The following NCK2 variants were observed in gnomAD, a reference collection of about 807,000 sequenced individuals.
NCK2 encodes cytoplasmic protein NCK2.
In NCK2, 16 loss-of-function variants were observed where a neutral mutation model predicts 33.9. The observed-to-expected ratio is 0.47, with a 90% CI of 0.32 to 0.72. The LOEUF (loss-of-function observed/expected upper bound fraction) is 0.72. Among genes scored for constraint, NCK2 ranks in the 30% least tolerant of loss-of-function variants. The probability of loss-of-function intolerance (pLI) is 0.03; values close to 1 mark genes in which losing one functional copy is unlikely to be tolerated. For missense variants in NCK2, 418 were observed against 537.3 expected, an observed-to-expected ratio of 0.78 and a Z score of 2.19; for synonymous variants, 273 against 239.9, an observed-to-expected ratio of 1.14 and a Z score of -1.27.
chr2:105,891,200 G>T lies in NCK2; in HGVS notation c.949-1782G>T, dbSNP rs535052190. Among the ~76,000 whole-genome samples, 4 of 152,066 alleles carry T rather than the reference G, an allele frequency of 2.6e-5. No homozygotes were observed. The South Asian group carries it at 8.3e-4, about 32-fold the overall frequency. ...CTCACATACTCCCTCTCACATCTGCGCACGCTCACACACTTAGAGCTGCGG... is the reference window on the plus strand; with the variant it reads ...CTCACATACTCCCTCTCACATCTGCTCACGCTCACACACTTAGAGCTGCGG... On this transcript the variant is annotated intron_variant, in intron 4 of 4. Transcript: ENST00000233154.
At chr2:105,834,318 C>T (rs1676308747) in intron 2 of NCK2, among the ~76,000 whole-genome samples, 1 of 152,164 alleles carries the variant, frequency 6.6e-6, no homozygotes, top group Admixed American at 6.5e-5. Context: ...TGTGGGTGCC[C>T]TGTTCTTGGG....
intron 3 of NCK2, among the ~76,000 whole-genome samples, chr2:105,871,690 TCA>T (rs1158485944): frequency 3.3e-5 from 5 of 152,222 alleles, no homozygotes; most frequent in African/African-American, 1.2e-4. Context: ...AGACGGGGTT[TCA>T]CCATTTTGGC....
chr2:105,779,181 C>G (rs894478771), intron 1 of NCK2, among the ~76,000 whole-genome samples: 3 of 151,820 alleles, frequency 2.0e-5, no homozygotes, highest in Non-Finnish European at 2.9e-5. Flanking sequence ...GTGGCACATG[C>G]CTGTAGTCCT....
intron 1 of NCK2, among the ~76,000 whole-genome samples, chr2:105,759,859 G>T (rs2104350872): frequency 6.6e-6 from 1 of 152,332 alleles, no homozygotes; most frequent in South Asian, 2.1e-4. Flanking sequence ...AGAGTTGTCA[G>T]ATGTTTTTTC....
chr2:105,874,095 A>G (rs1471366501), intron 3 of NCK2, among the ~76,000 whole-genome samples: 1 of 152,240 alleles, frequency 6.6e-6, no homozygotes, highest in Non-Finnish European at 1.5e-5. Context: ...CAATAGAACC[A>G]TGACATTAAT....
chr2:105,761,872 A>G (rs1016260672), intron 1 of NCK2, among the ~76,000 whole-genome samples: 2 of 152,214 alleles, frequency 1.3e-5, no homozygotes, highest in Admixed American at 6.5e-5. Context: ...AGTGAGACCA[A>G]AAAAGACTGA....
chr2:105,775,930 G>A (rs1690283771), intron 1 of NCK2, among the ~76,000 whole-genome samples: 1 of 152,190 alleles, frequency 6.6e-6, no homozygotes, highest in South Asian at 2.1e-4. Flanking sequence ...CCAAAACAAA[G>A]CACCACCACC....
rs543860637 is a variant in NCK2, at chr2:105,758,651, AC to A, written c.-201+13516del. Among the ~76,000 whole-genome samples the A allele has an allele frequency of 9.1e-4, 137 of 151,302 alleles. 1 individual carries two copies. The highest frequency in any genetic ancestry group is 3.2e-3 in the African/African-American group (134 of 41,274). ...TCTTGAACTCCTGACCTTGTGATCC[AC>A]CCGCCTCAGCCTCCCAAAGTGCTGG... On this transcript the variant is annotated intron_variant, in intron 1 of 4. Transcript: ENST00000233154.
chr2:105,745,620 G>C (rs748639099), intron 1 of NCK2: 1 of 152,494 alleles, frequency 6.6e-6, no homozygotes, highest in Admixed American at 6.5e-5. Context: ...GCGCAGGGAC[G>C]GGGGAGGCCG....
intron 2 of NCK2, chr2:105,854,801 A>C: frequency 2.7e-6 from 1 of 368,374 alleles, no homozygotes; most frequent in Non-Finnish European, 5.0e-6. Flanking sequence ...TTTTTGTTAG[A>C]GGGTCAGATT....
Position 105,826,581 on chromosome 2 carries a change from A to G in NCK2, c.-17+9968A>G, listed in dbSNP as rs368926554. Among the ~76,000 whole-genome samples the G allele has an allele frequency of 3.9e-5, 6 of 152,254 alleles. No individual in the cohort carries two copies. In the East Asian group the frequency reaches 7.7e-4, roughly 20 times the overall value. On this transcript the variant is annotated intron_variant, in intron 2 of 4. Coordinates refer to ENST00000233154, the MANE Select transcript of NCK2 (RefSeq NM_003581.5). ...CAAAAATGTAACTAATAAAGCAAGAATTTCTTATTCCCAAATTAGAGCCAA... is the reference window on the plus strand; with the variant it reads ...CAAAAATGTAACTAATAAAGCAAGAGTTTCTTATTCCCAAATTAGAGCCAA...
intron 1 of NCK2, among the ~76,000 whole-genome samples, chr2:105,781,821 G>A (rs1374342011): frequency 1.3e-5 from 2 of 152,228 alleles, no homozygotes; most frequent in Admixed American, 6.5e-5. Flanking sequence ...ATGAGTCTGT[G>A]ATAAGGACTC....
intron 1 of NCK2, among the ~76,000 whole-genome samples, chr2:105,802,660 C>G (rs4851091): frequency 6.6e-6 from 1 of 152,032 alleles, no homozygotes; most frequent in African/African-American, 2.4e-5. Flanking sequence ...CTCATCACCA[C>G]GAGGAAGGCA....
intron 2 of NCK2, among the ~76,000 whole-genome samples, chr2:105,837,850 T>C (rs1168644897): frequency 6.6e-6 from 1 of 152,256 alleles, no homozygotes; most frequent in Non-Finnish European, 1.5e-5. Context: ...ATTTTTATGT[T>C]TATTCACCAT....
intron 1 of NCK2, among the ~76,000 whole-genome samples, chr2:105,771,828 G>C (rs1690143769): frequency 6.6e-6 from 1 of 152,154 alleles, no homozygotes; most frequent in African/African-American, 2.4e-5. Flanking sequence ...CCTCTGGTGT[G>C]AAAGCTGCCA....
At chr2:105,855,405 T>A in intron 3 of NCK2, 116 bp downstream of exon 3, 1 of 735,234 alleles carries the variant, frequency 1.4e-6, no homozygotes, top group Non-Finnish European at 2.2e-6. Context: ...GTTAATATCT[T>A]CCTAGTTGTC....
At chr2:105,836,654 A>G (rs1448278330) in intron 2 of NCK2, among the ~76,000 whole-genome samples, 1 of 152,234 alleles carries the variant, frequency 6.6e-6, no homozygotes, top group Non-Finnish European at 1.5e-5. Context: ...CACCTGTTCT[A>G]CAGGGTGTAG....
chr2:105,835,409 G>GTATATATATATATATA (rs1380016345), intron 2 of NCK2, among the ~76,000 whole-genome samples: 2 of 59,324 alleles, frequency 3.4e-5, no homozygotes, highest in Non-Finnish European at 6.6e-5. Flanking sequence ...ATATATACGT[G>GTATATATATATATATA]TATATATATA....
intron 4 of NCK2, among the ~76,000 whole-genome samples, chr2:105,891,503 T>A (rs2104691543): frequency 1.3e-5 from 2 of 151,560 alleles, no homozygotes; most frequent in African/African-American, 2.4e-5. Flanking sequence ...CTTTCCTGCA[T>A]GCTTTTCAGC....
Sources: allele counts gnomAD v4.1 joint callset (sites outside exome capture counted in the v4.1 genomes callset), GRCh38; gene constraint gnomAD v4.1.1; transcripts MANE v1.5; gene names NCBI Gene and HGNC (gene_info 2026-07-23, HGNC 2026-07-21).